PTPRD: variants seen among roughly 807,000 people sequenced by gnomAD.
The protein encoded by PTPRD is receptor-type tyrosine-protein phosphatase delta.
In PTPRD, 34 loss-of-function variants were observed where a neutral mutation model predicts 214.5. The observed-to-expected ratio is 0.16, with a 90% CI of 0.12 to 0.21. The LOEUF (loss-of-function observed/expected upper bound fraction) is 0.21. PTPRD is among the 10% of genes least tolerant of loss of function. The pLI, the probability that PTPRD is intolerant of heterozygous loss-of-function variation, is 1.00. For synonymous variants in PTPRD, 1,128 were observed against 845.7 expected, an observed-to-expected ratio of 1.33 and a Z score of -5.79; for missense variants, 2,545 against 2,398.7, an observed-to-expected ratio of 1.06 and a Z score of -1.27.
At chr9:9,971,863 G>C (rs1268234862) in intron 4 of PTPRD, among the ~76,000 whole-genome samples, 1 of 152,048 alleles carries the variant, frequency 6.6e-6, no homozygotes, top group Non-Finnish European at 1.5e-5. Context: ...TTTGGGATGG[G>C]TCACAAATTC....
At chr9:9,551,701 C>T (rs931936594) in intron 8 of PTPRD, among the ~76,000 whole-genome samples, 1 of 151,928 alleles carries the variant, frequency 6.6e-6, no homozygotes, top group Non-Finnish European at 1.5e-5. Flanking sequence ...TTAGTACATG[C>T]CAGTCCTACT....
At chr9:10,173,788 A>G (rs1348729634) in intron 3 of PTPRD, among the ~76,000 whole-genome samples, 1 of 151,790 alleles carries the variant, frequency 6.6e-6, no homozygotes, top group Non-Finnish European at 1.5e-5. Context: ...CTCACAGCAC[A>G]CTAGATTGAA....
chr9:9,993,812 C>T (rs1220729447), intron 4 of PTPRD, among the ~76,000 whole-genome samples: 1 of 152,074 alleles, frequency 6.6e-6, no homozygotes, highest in Non-Finnish European at 1.5e-5. Context: ...AGAAATAAAA[C>T]AGAATCTGCT....
At chr9:9,430,391 C>A (rs368636135) in intron 8 of PTPRD, among the ~76,000 whole-genome samples, 1 of 150,896 alleles carries the variant, frequency 6.6e-6, no homozygotes, top group African/African-American at 2.4e-5. Flanking sequence ...CACTGCTCAA[C>A]AAATTAAAAG....
chr9:8,375,276 A>C (rs943683063), intron 39 of PTPRD, among the ~76,000 whole-genome samples: 1 of 151,996 alleles, frequency 6.6e-6, no homozygotes, highest in Non-Finnish European at 1.5e-5. Context: ...TATATATCGC[A>C]ATCTGAGTGG....
intron 3 of PTPRD, among the ~76,000 whole-genome samples, chr9:10,281,301 T>C (rs968517577): frequency 3.3e-5 from 5 of 152,204 alleles, no homozygotes; most frequent in African/African-American, 9.6e-5. Flanking sequence ...ATACCAAAAA[T>C]TATTTTTCAG....
At chr9:9,822,790 T>C (rs1806934539) in intron 5 of PTPRD, among the ~76,000 whole-genome samples, 1 of 151,998 alleles carries the variant, frequency 6.6e-6, no homozygotes, top group African/African-American at 2.4e-5. Context: ...CATGACCTCA[T>C]GTGACGATTC....
At chr9:8,638,316 G>A (rs558375687) in intron 12 of PTPRD, among the ~76,000 whole-genome samples, 1 of 152,036 alleles carries the variant, frequency 6.6e-6, no homozygotes, top group South Asian at 2.1e-4. Flanking sequence ...TTGATTTCAT[G>A]TTTCCCACAT....
chr9:9,769,256 G>A (rs1468999461), intron 5 of PTPRD, among the ~76,000 whole-genome samples: 1 of 149,646 alleles, frequency 6.7e-6, no homozygotes, highest in Non-Finnish European at 1.5e-5. Flanking sequence ...TTTATACACT[G>A]GTGGTGTCAA....
chr9:9,989,016 C>CAAAAAAAAAAAAAAAAAAAAAAAAAAA (rs397836899), intron 4 of PTPRD, among the ~76,000 whole-genome samples: 1 of 36,288 alleles, frequency 2.8e-5, no homozygotes, highest in East Asian at 1.3e-3. Flanking sequence ...TTTCACTGAC[C>CAAAAAAAAAAAAAAAAAAAAAAAAAAA]AAAAAAAAAA....
intron 2 of PTPRD, among the ~76,000 whole-genome samples, chr9:10,377,050 C>T (rs2097744463): frequency 6.6e-6 from 1 of 151,764 alleles, no homozygotes; most frequent in Non-Finnish European, 1.5e-5. Context: ...TTCCACCCAC[C>T]CTCTATTACC....
chr9:9,240,256 T>C (rs549544900), intron 9 of PTPRD, among the ~76,000 whole-genome samples: 1 of 152,350 alleles, frequency 6.6e-6, no homozygotes, highest in Non-Finnish European at 1.5e-5. Context: ...GTCTGCCTTA[T>C]TTATAAGTTA....
intron 12 of PTPRD, among the ~76,000 whole-genome samples, chr9:8,689,358 T>A (rs1701873585): frequency 6.6e-6 from 1 of 152,216 alleles, no homozygotes; most frequent in South Asian, 2.1e-4. Context: ...GGTTAATCTG[T>A]GGCACCACAG....
At chr9:10,196,208 T>G (rs2154328742) in intron 3 of PTPRD, among the ~76,000 whole-genome samples, 1 of 152,306 alleles carries the variant, frequency 6.6e-6, no homozygotes. Context: ...AATATCTTGC[T>G]ACACTGTTTA....
At position 8,760,140 on chromosome 9, in the gene PTPRD, A is replaced by G. The variant is rs569928484; in HGVS notation, c.-103-26194T>C. Among the ~76,000 whole-genome samples, 499 of 152,334 alleles carry G rather than the reference A, an allele frequency of 3.3e-3. 3 individuals are homozygous for G. Among genetic ancestry groups the G allele is most frequent in the Non-Finnish European group, 4.2e-3 (289 of 68,040 alleles). On this transcript the variant is annotated intron_variant, in intron 11 of 45. Transcript: ENST00000381196. ...GAGACCGGGTTTTACCACATTGGCCAGGCTGTTCTCAAACTCCTGACCTCA... is the reference window on the plus strand; with the variant it reads ...GAGACCGGGTTTTACCACATTGGCCGGGCTGTTCTCAAACTCCTGACCTCA...
At chr9:9,164,108 A>C (rs1395951406) in intron 10 of PTPRD, among the ~76,000 whole-genome samples, 2 of 151,088 alleles carry the variant, frequency 1.3e-5, no homozygotes, top group Admixed American at 1.3e-4. Context: ...AATTACACCA[A>C]TTTTTTTTTG....
intron 37 of PTPRD, among the ~76,000 whole-genome samples, chr9:8,386,346 C>T (rs1230716286): frequency 6.6e-6 from 1 of 152,166 alleles, no homozygotes; most frequent in African/African-American, 2.4e-5. Context: ...TTCCTTTTCT[C>T]CCCTCTTCCC....
At chr9:8,595,940 C>G (rs948814267) in intron 14 of PTPRD, among the ~76,000 whole-genome samples, 8 of 152,094 alleles carry the variant, frequency 5.3e-5, no homozygotes, top group Non-Finnish European at 1.2e-4. Context: ...CTATGTTGTG[C>G]CTATGCCATT....
intron 4 of PTPRD, among the ~76,000 whole-genome samples, chr9:9,949,304 A>C (rs2093178642): frequency 6.6e-6 from 1 of 152,138 alleles, no homozygotes; most frequent in South Asian, 2.1e-4. Context: ...TTACACACCA[A>C]GGCTTCCTAA....
Sources: allele counts gnomAD v4.1 joint callset (sites outside exome capture counted in the v4.1 genomes callset), GRCh38; gene constraint gnomAD v4.1.1; transcripts MANE v1.5; gene names NCBI Gene and HGNC (gene_info 2026-07-23, HGNC 2026-07-21).